Variants in SCARF1 observed in about 807,000 individuals in gnomAD.
The protein encoded by SCARF1 is acetyl LDL receptor.
A neutral mutation model predicts 76.3 loss-of-function variants in SCARF1; 49 were observed. That is an observed-to-expected ratio of 0.64 (90% CI 0.51 to 0.81). SCARF1 has a LOEUF of 0.81. Ranked by LOEUF, SCARF1 falls within the 40% of genes least tolerant of loss-of-function variation. The pLI, the probability that SCARF1 is intolerant of heterozygous loss-of-function variation, is 0.00. For synonymous variants in SCARF1, 495 were observed against 474.6 expected (o/e 1.04, Z -0.56); for missense variants, 1,098 against 1,143.9 (o/e 0.96, Z 0.58).
chr17:1,641,525 G>A (rs192030029), intron 4 of SCARF1, among the ~76,000 whole-genome samples: 1 of 152,180 alleles, frequency 6.6e-6, no homozygotes, highest in African/African-American at 2.4e-5. Context: ...GGAGACCACT[G>A]TTGTCACCAA....
chr17:1,643,840 G>T lies in SCARF1; in HGVS notation c.393C>A (p.Phe131Leu). Residue 131 changes from phenylalanine to leucine, a missense_variant, in exon 4 of 11, where the codon TTC (phenylalanine) becomes TTA (leucine). Transcript: ENST00000263071. ...QADRWGARCE[F>L]PCACGPHGRC... ...GCCCGTGGGGGCCGCAGGCGCACGG[G>T]AACTCGCAGCGGGCTCCCCAGCGGT... is the stretch of plus-strand genomic sequence containing the variant. 7.9e-7 allele frequency: 1 copy of T among 1,271,984 alleles called. No homozygotes were observed. Among genetic ancestry groups the T allele is most frequent in the Admixed American group, 4.2e-5 (1 of 23,690 alleles). 78.8% of individuals were successfully genotyped at this position (1,271,984 alleles called of 1,614,324 possible). A position where few individuals can be genotyped will look rare whatever the true frequency, so the allele number is the denominator to read the frequency against.
Position 1,635,618 on chromosome 17 carries a change from C to A in SCARF1, c.1634-1G>T. On this transcript the variant is annotated splice_acceptor_variant, in intron 10 of 10. Coordinates refer to ENST00000263071, the MANE Select transcript of SCARF1 (RefSeq NM_003693.4). LOFTEE classifies it high-confidence loss of function. The stretch of plus-strand genomic sequence containing the variant: ...CCTGCCTGGGCCACAGGGACCATCC[C>A]TGGCAGAGGAGACAGAAGAGCTTGG... The A allele has an allele frequency of 6.3e-7, 1 of 1,598,406 alleles. No individual in the cohort carries two copies.
rs1910001977 is a variant in SCARF1, at chr17:1,640,958, A to G, written c.792-292T>C. Reference sequence around the variant, plus strand: ...AGCCAGGGCAGGCGAGTCACCACCAAGCTCTGAGTCCCATTTGCGAGGTCT... The same window carrying G: ...AGCCAGGGCAGGCGAGTCACCACCAGGCTCTGAGTCCCATTTGCGAGGTCT... On this transcript the variant is annotated intron_variant, in intron 4 of 10. Coordinates refer to ENST00000263071, the MANE Select transcript of SCARF1 (RefSeq NM_003693.4). This position sits in a 1 kb window ranked among gnomAD's most constrained non-coding sequence, Gnocchi z 4.7. 6.6e-6 allele frequency among the ~76,000 whole-genome samples: 1 copy of G among 152,068 alleles called. No homozygotes were observed.
At position 1,638,859 on chromosome 17, in the gene SCARF1, G is replaced by GCAAGA. The variant is rs747300298; in HGVS notation, c.1310_1311insTCTTG (p.Cys440LeufsTer29). On this transcript the variant is annotated frameshift_variant, in exon 8 of 11. Transcript: ENST00000263071. LOFTEE classifies it high-confidence loss of function. ...AGCAGCAGCAGGCACAGCAGGCAAG[G>GCAAGA]CCCAGGAAGAGCAGCAGCAGAGGCA... The GCAAGA allele has an allele frequency of 2.9e-5, 47 of 1,610,302 alleles. 1 individual carries two copies. Among genetic ancestry groups the GCAAGA allele is most frequent in the Non-Finnish European group, 2.4e-5 (28 of 1,178,102 alleles).
Position 1,645,489 on chromosome 17 carries a change from C to T in SCARF1, c.101+108G>A. 1 of 1,532,070 alleles carries T rather than the reference C, an allele frequency of 6.5e-7. No individual in the cohort carries two copies. The highest frequency in any genetic ancestry group is 8.7e-7 in the Non-Finnish European group (1 of 1,146,026). 94.9% of individuals were successfully genotyped at this position (1,532,070 alleles called of 1,614,324 possible). Reference sequence around the variant, plus strand: ...CTTCCTTTCAGCCTAAGCCCCCTTCCTAGTCTCCTCCTTCCCCTAACGGCC... The same window carrying T: ...CTTCCTTTCAGCCTAAGCCCCCTTCTTAGTCTCCTCCTTCCCCTAACGGCC... On this transcript the variant is annotated intron_variant, in intron 1 of 10. Coordinates refer to ENST00000263071, the MANE Select transcript of SCARF1 (RefSeq NM_003693.4). This position sits in a 1 kb window ranked among gnomAD's most constrained non-coding sequence, Gnocchi z 6.3.
chr17:1,635,028 G>C lies in SCARF1; in HGVS notation c.2223C>G (p.Gly741=). The part of the protein sequence containing the change: ...PPRQALNRKK[G]SPGLASGSVG... ...CAGAGCCAGAGGCAAGGCCAGGGCTGCCCTTTTTCCGATTCAGGGCCTGGC... is the reference window on the plus strand; with the variant it reads ...CAGAGCCAGAGGCAAGGCCAGGGCTCCCCTTTTTCCGATTCAGGGCCTGGC... The change falls in exon 11 of 11, where the codon GGC becomes GGG. Residue 741 remains glycine (G), a synonymous_variant. Transcript: ENST00000263071. The C allele has an allele frequency of 1.2e-6, 2 of 1,613,876 alleles. No individual in the cohort carries two copies. Among genetic ancestry groups the C allele is most frequent in the South Asian group, 1.1e-5 (1 of 91,078 alleles).
intron 8 of SCARF1, 27 bp downstream of exon 8, chr17:1,638,779 G>C (rs1440133633): frequency 1.3e-6 from 2 of 1,590,672 alleles, no homozygotes; most frequent in East Asian, 4.5e-5. Flanking sequence ...CCTGAGCTGT[G>C]TGGGGAAGGG....
Position 1,645,463 on chromosome 17 carries a change from C to T in SCARF1, c.101+134G>A. ...ACCTGCCAGACCGCCATCAGCAGTC[C>T]CTTCCTTTCAGCCTAAGCCCCCTTC... On this transcript the variant is annotated intron_variant, in intron 1 of 10. Transcript: ENST00000263071. The surrounding 1 kb of genome is among the most constrained non-coding windows in gnomAD (Gnocchi z 6.3). 6.6e-7 allele frequency: 1 copy of T among 1,523,314 alleles called. No homozygotes were observed. The highest frequency in any genetic ancestry group is 8.8e-7 in the Non-Finnish European group (1 of 1,140,788). The allele number at this position is 1,523,314 out of a possible 1,614,324, so 94.4% of individuals were successfully genotyped here.
chr17:1,645,722 CG>C lies in SCARF1; in HGVS notation c.-26del. Reference sequence around the variant, plus strand: ...TGGCAGGCAGCTCGGTGGGAGCGCTCGGGTTCGTCTGGCCCCCACAGCTCCC... The same window carrying C: ...TGGCAGGCAGCTCGGTGGGAGCGCTCGGTTCGTCTGGCCCCCACAGCTCCC... On this transcript the variant is annotated 5_prime_UTR_variant, in exon 1 of 11. Coordinates refer to ENST00000263071, the MANE Select transcript of SCARF1 (RefSeq NM_003693.4). This position sits in a 1 kb window ranked among gnomAD's most constrained non-coding sequence, Gnocchi z 6.3. 1 of 1,571,838 alleles carries C rather than the reference CG, an allele frequency of 6.4e-7. No individual in the cohort carries two copies. The highest frequency in any genetic ancestry group is 8.6e-7 in the Non-Finnish European group (1 of 1,163,100).
intron 6 of SCARF1, 31 bp from the exon 7 acceptor site, chr17:1,639,773 G>T: frequency 6.2e-7 from 1 of 1,607,194 alleles, no homozygotes; most frequent in Non-Finnish European, 8.5e-7. Context: ...GCAGGCTGAG[G>T]GCTGGGTGAA....
At position 1,635,433 on chromosome 17, in the gene SCARF1, T is replaced by C. The variant is rs758931389; in HGVS notation, c.1818A>G (p.Ser606=). 63 of 1,613,518 alleles carry C rather than the reference T, an allele frequency of 3.9e-5. No individual in the cohort carries two copies. The highest frequency in any genetic ancestry group is 5.2e-5 in the Non-Finnish European group (61 of 1,179,612). ...TTCGGAGCGGGCTGGAGAGCTCCCC[T>C]GAGCTTCGGCGACTCTGTGGTGCAA... The part of the protein sequence containing the change: ...TKFAPQSRRS[S]GELSSPLRKP... The change falls in exon 11 of 11, where the codon TCA becomes TCG. Residue 606 remains serine, a synonymous_variant. Coordinates refer to ENST00000263071, the MANE Select transcript of SCARF1 (RefSeq NM_003693.4).
rs149977313 is a variant in SCARF1, at chr17:1,634,918, C to G, written c.2333G>C (p.Arg778Pro). 6.8e-6 allele frequency: 11 copies of G among 1,613,476 alleles called. No homozygotes were observed. Among genetic ancestry groups the G allele is most frequent in the Non-Finnish European group, 8.5e-6 (10 of 1,179,856 alleles). Residue 778 changes from arginine (R) to proline (P), a missense_variant, in exon 11 of 11, where the codon CGG becomes CCG. Transcript: ENST00000263071. The part of the protein sequence containing the change: ...PMAVRPEEAV[R>P]GLGAGTESSR... ...ACTCTCGGTGCCAGCCCCCAGCCCCCGGACCGCTTCCTCTGGTCTGACTGC... is the reference window on the plus strand; with the variant it reads ...ACTCTCGGTGCCAGCCCCCAGCCCCGGGACCGCTTCCTCTGGTCTGACTGC...
intron 4 of SCARF1, among the ~76,000 whole-genome samples, chr17:1,642,155 T>A (rs28490463): frequency 2.3e-4 from 35 of 151,452 alleles, no homozygotes; most frequent in African/African-American, 7.3e-4. Context: ...ACCATTTTTT[T>A]AATTTTCTTT....
intron 10 of SCARF1, among the ~76,000 whole-genome samples, 172 bp downstream of exon 10, chr17:1,636,537 C>T (rs1043507448): frequency 6.6e-6 from 1 of 152,084 alleles, no homozygotes; most frequent in Non-Finnish European, 1.5e-5. Context: ...CACTTGAACC[C>T]GGGAGGCAGA....
intron 7 of SCARF1, 83 bp downstream of exon 7, chr17:1,639,556 C>A: frequency 1.1e-6 from 1 of 917,404 alleles, no homozygotes; most frequent in African/African-American, 1.7e-5. Context: ...CCCAGACTCC[C>A]TGGTGAGGAA....
At position 1,644,728 on chromosome 17, in the gene SCARF1, G is replaced by C; in HGVS notation, c.265+106C>G. On this transcript the variant is annotated intron_variant, in intron 3 of 10. Coordinates refer to ENST00000263071, the MANE Select transcript of SCARF1 (RefSeq NM_003693.4). The surrounding 1 kb of genome is among the most constrained non-coding windows in gnomAD (Gnocchi z 4.8). ...CCTCAGTGAAGCTGGGGGGGATTCT[G>C]GCCCTGCTGTCCTGAGGCTGCATGG... 2.9e-6 allele frequency: 3 copies of C among 1,034,036 alleles called. No homozygotes were observed. Among genetic ancestry groups the C allele is most frequent in the South Asian group, 2.8e-5 (2 of 71,872 alleles). The allele number at this position is 1,034,036 out of a possible 1,614,324, so 64.1% of individuals were successfully genotyped here.
rs952429208 is a variant in SCARF1 at position 1,639,750 on chromosome 17, G to GT, written c.1140-9dup. 1 of 1,606,294 alleles carries GT rather than the reference G, an allele frequency of 6.2e-7. No homozygotes were observed. The highest frequency in any genetic ancestry group is 8.5e-7 in the Non-Finnish European group (1 of 1,176,548). On this transcript the variant is annotated splice_polypyrimidine_tract_variant and intron_variant, in intron 6 of 10. Coordinates refer to ENST00000263071, the MANE Select transcript of SCARF1 (RefSeq NM_003693.4). The stretch of plus-strand genomic sequence containing the variant: ...GGGCAGGAGGCGTTGCAGCTATGGA[G>GT]TGACATGGAGAGGCAGGCTGAGGGC...
Position 1,639,784 on chromosome 17 carries a change from G to A in SCARF1, c.1140-42C>T, listed in dbSNP as rs1015379887. 6.2e-6 allele frequency: 10 copies of A among 1,605,728 alleles called. No individual in the cohort carries two copies. In the African/African-American group the frequency reaches 1.1e-4, roughly 17 times the overall value. ...AGAGGCAGGCTGAGGGCTGGGTGAA[G>A]TGGGGGAGGCAGGCAGGAGACGGGC... On this transcript the variant is annotated intron_variant, in intron 6 of 10. Transcript: ENST00000263071.
At position 1,640,087 on chromosome 17, in the gene SCARF1, GC is replaced by G. The variant is rs763134335; in HGVS notation, c.1011-48del. On this transcript the variant is annotated intron_variant, in intron 5 of 10. Transcript: ENST00000263071. The surrounding 1 kb of genome is among the most constrained non-coding windows in gnomAD (Gnocchi z 4.7). ...GGAAGGGGAGACCAAGGCAGGCCTG[GC>G]CCCCACTGTGGGGCCCCACCCCTCC... 3 of 1,599,580 alleles carry G rather than the reference GC, an allele frequency of 1.9e-6. No individual in the cohort carries two copies. The highest frequency in any genetic ancestry group is 2.2e-5 in the South Asian group (2 of 89,382).
Sources: allele counts gnomAD v4.1 joint callset (sites outside exome capture counted in the v4.1 genomes callset), GRCh38; gene constraint gnomAD v4.1.1; non-coding constraint Gnocchi (gnomAD v3.1); transcripts MANE v1.5; gene names NCBI Gene and HGNC (gene_info 2026-07-23, HGNC 2026-07-21).